Variants in CCDC69 observed in about 807,000 individuals in gnomAD.
The protein encoded by CCDC69 is coiled-coil domain containing 69, also known as coiled-coil domain-containing protein 69.
A neutral mutation model predicts 40.3 loss-of-function variants in CCDC69; 38 were observed. That is an observed-to-expected ratio of 0.94 (90% confidence interval 0.73 to 1.24). CCDC69 has a LOEUF of 1.24. Among genes scored for constraint, CCDC69 ranks in the 50% most tolerant of loss-of-function variants. The probability of loss-of-function intolerance (pLI) is 0.00; values close to 1 mark genes in which losing one functional copy is unlikely to be tolerated. For synonymous variants in CCDC69, 141 were observed against 138.9 expected, an observed-to-expected ratio of 1.02 and a Z score of -0.11; for missense variants, 389 against 357.9, an observed-to-expected ratio of 1.09 and a Z score of -0.70.
In CCDC69 at chr5:151,198,291, GATCTATCTATCTATCTATCT is replaced by G. The variant is rs56093424; in HGVS notation, c.319+686_319+705del. On this transcript the variant is annotated intron_variant, in intron 4 of 8. Transcript: ENST00000355417. The stretch of plus-strand genomic sequence containing the variant: ...GACTGGAGCTCTAGAGAATGAGATT[GATCTATCTATCTATCTATCT>G]ATCTATCTATCTATCTATCTATCTA... 4.4e-3 allele frequency among the ~76,000 whole-genome samples: 629 copies of G among 141,822 alleles called. 3 individuals carry two copies. Among genetic ancestry groups the G allele is most frequent in the African/African-American group, 7.5e-3 (296 of 39,232 alleles). The allele number at this position is 141,822 out of a possible 152,430, so 93.0% of individuals were successfully genotyped here. A position where few individuals can be genotyped will look rare whatever the true frequency, so the allele number is the denominator to read the frequency against.
At position 151,198,930 on chromosome 5, in the gene CCDC69, C is replaced by A. The variant is rs147342104; in HGVS notation, c.319+67G>T. The stretch of plus-strand genomic sequence containing the variant: ...GGAACAGTGGGAGTGCCCAGGTGAA[C>A]TGGGCAGGTGGGGCCAGAAGGAAGC... On this transcript the variant is annotated intron_variant, in intron 4 of 8. Transcript: ENST00000355417. 1.7e-5 allele frequency: 20 copies of A among 1,195,410 alleles called. No individual in the cohort carries two copies. In the African/African-American group the frequency reaches 2.7e-4, roughly 16 times the overall value. 74.1% of individuals were successfully genotyped at this position (1,195,410 alleles called of 1,614,324 possible). A position where few individuals can be genotyped will look rare whatever the true frequency, so the allele number is the denominator to read the frequency against.
At chr5:151,201,478 G>C in intron 3 of CCDC69, 104 bp downstream of exon 3, 1 of 692,970 alleles carries the variant, frequency 1.4e-6, no homozygotes, top group Non-Finnish European at 2.5e-6. Context: ...ATGAGTAAGG[G>C]ACTCTTACAA....
Position 151,198,927 on chromosome 5 carries a change from G to A in CCDC69, c.319+70C>T, listed in dbSNP as rs1752739325. ...GAGGGAACAGTGGGAGTGCCCAGGT[G>A]AACTGGGCAGGTGGGGCCAGAAGGA... On this transcript the variant is annotated intron_variant, in intron 4 of 8. Coordinates refer to ENST00000355417, the MANE Select transcript of CCDC69 (RefSeq NM_015621.3). 5 of 1,130,504 alleles carry A rather than the reference G, an allele frequency of 4.4e-6. No individual in the cohort carries two copies. The Admixed American group carries it at 5.1e-5, about 11-fold the overall frequency. The allele number at this position is 1,130,504 out of a possible 1,614,324, so 70.0% of individuals were successfully genotyped here. A position where few individuals can be genotyped will look rare whatever the true frequency, so the allele number is the denominator to read the frequency against.
chr5:151,218,307 C>T (rs958454296), intron 1 of CCDC69, among the ~76,000 whole-genome samples: 3 of 152,172 alleles, frequency 2.0e-5, no homozygotes, highest in African/African-American at 4.8e-5. Context: ...TCCCCACTGC[C>T]AGTCCTGCTG....
intron 4 of CCDC69, among the ~76,000 whole-genome samples, chr5:151,193,956 T>C (rs961898531): frequency 1.3e-5 from 2 of 152,210 alleles, no homozygotes; most frequent in Non-Finnish European, 2.9e-5. Flanking sequence ...AGAGGATATG[T>C]AGACAGCAAA....
intron 2 of CCDC69, among the ~76,000 whole-genome samples, chr5:151,203,845 T>C (rs1255846875): frequency 3.8e-5 from 4 of 104,572 alleles, no homozygotes; most frequent in African/African-American, 1.8e-4. Context: ...AAAATATATA[T>C]CATATATAGT....
chr5:151,204,853 A>G (rs1157489810), intron 2 of CCDC69, among the ~76,000 whole-genome samples: 1 of 152,112 alleles, frequency 6.6e-6, no homozygotes, highest in Non-Finnish European at 1.5e-5. Context: ...ATATATATGT[A>G]TATATTTTTC....
chr5:151,218,398 C>G (rs917621831), intron 1 of CCDC69, among the ~76,000 whole-genome samples: 1 of 152,198 alleles, frequency 6.6e-6, no homozygotes, highest in Non-Finnish European at 1.5e-5. Context: ...TGCAGAGGAC[C>G]GAGTGCCAGC....
At chr5:151,218,001 A>T (rs559335705) in intron 1 of CCDC69, among the ~76,000 whole-genome samples, 3 of 152,144 alleles carry the variant, frequency 2.0e-5, no homozygotes, top group South Asian at 4.2e-4. Flanking sequence ...AAAAAACTCC[A>T]TTGCAGAGAG....
At chr5:151,207,097 T>C (rs1406455326) in intron 1 of CCDC69, among the ~76,000 whole-genome samples, 1 of 151,982 alleles carries the variant, frequency 6.6e-6, no homozygotes, top group African/African-American at 2.4e-5. Context: ...TTTTGTATTT[T>C]TAGTAGAGAT....
At position 151,184,281 on chromosome 5, in the gene CCDC69, C is replaced by T. The variant is rs914666798; in HGVS notation, c.713+63G>A. ...ATTCCTCAGGCCCCTCTAAGACTCT[C>T]CCAGCTGGGAATTTTGGCAAAAAGG... On this transcript the variant is annotated intron_variant, in intron 8 of 8. Coordinates refer to ENST00000355417, the MANE Select transcript of CCDC69 (RefSeq NM_015621.3). The T allele has an allele frequency of 9.0e-5, 115 of 1,271,010 alleles. No individual in the cohort carries two copies. In the Admixed American group the frequency reaches 1.9e-3, roughly 21 times the overall value. The allele number at this position is 1,271,010 out of a possible 1,614,324, so 78.7% of individuals were successfully genotyped here. A position where few individuals can be genotyped will look rare whatever the true frequency, so the allele number is the denominator to read the frequency against.
At chr5:151,187,331 C>A in intron 5 of CCDC69, 55 bp downstream of exon 5, 1 of 1,518,874 alleles carries the variant, frequency 6.6e-7, no homozygotes, top group Non-Finnish European at 9.1e-7. Context: ...ATGCTGCTTT[C>A]CCATTGGTCC....
chr5:151,220,663 G>C (rs548370405), intron 1 of CCDC69, among the ~76,000 whole-genome samples: 9 of 152,296 alleles, frequency 5.9e-5, no homozygotes, highest in South Asian at 4.1e-4. Context: ...CCCCTTCTCA[G>C]AGGTCCTGCT....
rs183539484 is a variant in CCDC69, at chr5:151,187,930, C to T, written c.320-471G>A. On this transcript the variant is annotated intron_variant, in intron 4 of 8. Transcript: ENST00000355417. ...GGAAATCCACCTGGTCCTGGCTCTGCCTTTCCGAAACTGAGAGACCTTGAG... is the reference window on the plus strand; with the variant it reads ...GGAAATCCACCTGGTCCTGGCTCTGTCTTTCCGAAACTGAGAGACCTTGAG... 5.9e-5 allele frequency among the ~76,000 whole-genome samples: 9 copies of T among 152,264 alleles called. No individual in the cohort carries two copies. The East Asian group carries it at 1.5e-3, about 26-fold the overall frequency.
chr5:151,184,102 C>A (rs1766684337), intron 8 of CCDC69, among the ~76,000 whole-genome samples: 1 of 152,140 alleles, frequency 6.6e-6, no homozygotes, highest in African/African-American at 2.4e-5. Flanking sequence ...TGGGCTTTCC[C>A]ACAGAGTACA....
intron 1 of CCDC69, among the ~76,000 whole-genome samples, chr5:151,214,961 A>G (rs978300316): frequency 2.0e-5 from 3 of 152,132 alleles, no homozygotes; most frequent in Non-Finnish European, 4.4e-5. Flanking sequence ...CTTCCTCCCT[A>G]GGGCTCCCGT....
rs1424748655 is a variant in CCDC69 at position 151,183,564 on chromosome 5, A to G, written c.764T>C (p.Val255Ala). ...LLTREALEKE[V>A]QLRRQLQQEK... is the part of the protein sequence containing the mutation. ...CTGCTGGAGCTGTCGCCGCAGCTGC[A>G]CCTCCTTCTCCAGGGCCTCACGCGT... The change falls in exon 9 of 9, where the codon GTG becomes GCG. Residue 255 changes from valine to alanine, a missense_variant. By Grantham distance (64) the Val-to-Ala change is moderately conservative. Transcript: ENST00000355417. 6.2e-7 allele frequency: 1 copy of G among 1,611,856 alleles called. No individual in the cohort carries two copies. Among genetic ancestry groups the G allele is most frequent in the Non-Finnish European group, 8.5e-7 (1 of 1,179,436 alleles).
At chr5:151,185,847 C>T (rs1752501001) in intron 6 of CCDC69, among the ~76,000 whole-genome samples, 176 bp downstream of exon 6, 1 of 152,186 alleles carries the variant, frequency 6.6e-6, no homozygotes, top group Non-Finnish European at 1.5e-5. Context: ...ATGCTGCTCT[C>T]TGGGCCTTAA....
At chr5:151,190,532 G>T (rs1043790121) in intron 4 of CCDC69, among the ~76,000 whole-genome samples, 2 of 151,978 alleles carry the variant, frequency 1.3e-5, no homozygotes, top group Non-Finnish European at 2.9e-5. Context: ...TGGGCCTGGT[G>T]GTGGGTGCCT....
Sources: gnomAD v4.1 joint callset for allele counts (sites outside exome capture counted in the v4.1 genomes callset) on GRCh38, gnomAD v4.1.1 for gene constraint, MANE v1.5 for transcripts, NCBI Gene and HGNC (gene_info 2026-07-23, HGNC 2026-07-21) for gene names.